Variants in CERS5 observed in about 807,000 individuals in gnomAD.
CERS5 encodes LAG1 homolog, ceramide synthase 5.
A neutral mutation model predicts 58.9 loss-of-function variants in CERS5; 37 were observed. The ratio of observed to expected loss-of-function variants is 0.63; its 90% confidence interval spans 0.48 to 0.83. The LOEUF (loss-of-function observed/expected upper bound fraction) is 0.83. Ranked by LOEUF, CERS5 falls within the 40% of genes least tolerant of loss-of-function variation. CERS5 has a pLI of 0.00. For synonymous variants in CERS5, 147 were observed against 177.8 expected (o/e 0.83, Z 1.38); for missense variants, 398 against 489.3 (o/e 0.81, Z 1.76).
Position 50,167,334 on chromosome 12 carries a change from T to C in CERS5, c.-37A>G. The stretch of plus-strand genomic sequence containing the variant: ...CCCGAAGCCACCGCCGCCACAAGCG[T>C]CAGCTGCCGCCACAGCCAACGGAAC... On this transcript the variant is annotated 5_prime_UTR_variant, in exon 1 of 10. Transcript: ENST00000317551. 1 of 1,464,096 alleles carries C rather than the reference T, an allele frequency of 6.8e-7. No individual in the cohort carries two copies. Among genetic ancestry groups the C allele is most frequent in the Non-Finnish European group, 9.0e-7 (1 of 1,117,100 alleles). 90.7% of individuals were successfully genotyped at this position (1,464,096 alleles called of 1,614,324 possible). A position where few individuals can be genotyped will look rare whatever the true frequency, so the allele number is the denominator to read the frequency against.
intron 1 of CERS5, among the ~76,000 whole-genome samples, chr12:50,164,093 G>A (rs1939608080): frequency 6.6e-6 from 1 of 151,568 alleles, no homozygotes; most frequent in Admixed American, 6.6e-5. Flanking sequence ...CTGAGTAGCT[G>A]GGATTACAGG....
At chr12:50,157,685 G>A (rs192452788) in intron 1 of CERS5, among the ~76,000 whole-genome samples, 18 of 151,952 alleles carry the variant, frequency 1.2e-4, no homozygotes, top group African/African-American at 4.3e-4. Context: ...GGCATACAAC[G>A]GAGAATATTA....
intron 1 of CERS5, among the ~76,000 whole-genome samples, chr12:50,147,719 T>C (rs1952371864): frequency 6.6e-6 from 1 of 152,222 alleles, no homozygotes; most frequent in African/African-American, 2.4e-5. Flanking sequence ...AAAATGCTAC[T>C]CTTCTCACAG....
intron 1 of CERS5, among the ~76,000 whole-genome samples, chr12:50,163,529 G>A (rs939113038): frequency 6.6e-6 from 1 of 152,068 alleles, no homozygotes; most frequent in Non-Finnish European, 1.5e-5. Context: ...GCCTTCTATT[G>A]CATTCTACAA....
intron 1 of CERS5, among the ~76,000 whole-genome samples, chr12:50,145,435 T>C (rs1220356441): frequency 2.0e-5 from 3 of 152,168 alleles, no homozygotes; most frequent in East Asian, 3.8e-4. Flanking sequence ...AGGAGTCCCA[T>C]AATGAAAATA....
chr12:50,142,030 G>T lies in CERS5; in HGVS notation c.492+23C>A, dbSNP rs764060486. 2.8e-6 allele frequency: 4 copies of T among 1,432,896 alleles called. No homozygotes were observed. The South Asian group carries it at 4.6e-5, about 16-fold the overall frequency. The allele number at this position is 1,432,896 out of a possible 1,614,324, so 88.8% of individuals were successfully genotyped here. On this transcript the variant is annotated intron_variant, in intron 4 of 9. Coordinates refer to ENST00000317551, the MANE Select transcript of CERS5 (RefSeq NM_147190.5). ...TAGGCATGATTAGAACCCAACAGAGGACTAGAGAAAGTTAAGACTCACCGA... is the reference window on the plus strand; with the variant it reads ...TAGGCATGATTAGAACCCAACAGAGTACTAGAGAAAGTTAAGACTCACCGA...
At chr12:50,152,085 C>G (rs373025537) in intron 1 of CERS5, among the ~76,000 whole-genome samples, 45 of 152,308 alleles carry the variant, frequency 3.0e-4, no homozygotes, top group South Asian at 2.7e-3. Flanking sequence ...ACTCTACACG[C>G]TCACCCTCAG....
chr12:50,147,667 G>A (rs536677681), intron 1 of CERS5, among the ~76,000 whole-genome samples: 8 of 152,258 alleles, frequency 5.3e-5, no homozygotes, highest in Admixed American at 1.3e-4. Context: ...GAATGCAGAC[G>A]CTGACATGAG....
intron 6 of CERS5, among the ~76,000 whole-genome samples, chr12:50,136,472 CAAA>C (rs35643200): frequency 2.1e-5 from 3 of 143,002 alleles, no homozygotes; most frequent in Admixed American, 7.0e-5. Flanking sequence ...GATTCCGTCT[CAAA>C]AAAAAAAAAA....
chr12:50,147,668 C>G (rs931954092), intron 1 of CERS5, among the ~76,000 whole-genome samples: 1 of 152,226 alleles, frequency 6.6e-6, no homozygotes, highest in African/African-American at 2.4e-5. Flanking sequence ...AATGCAGACG[C>G]TGACATGAGA....
intron 9 of CERS5, 60 bp downstream of exon 9, chr12:50,134,486 G>A (rs754580943): frequency 6.8e-6 from 11 of 1,613,244 alleles, no homozygotes; most frequent in South Asian, 3.3e-5. Flanking sequence ...GAGAGAGAAC[G>A]TCTGTTGAGT....
rs188975505 is a variant in CERS5 at position 50,145,069 on chromosome 12, C to T, written c.198-1012G>A. 3.3e-3 allele frequency: 474 copies of T among 144,122 alleles called. 1 individual carries two copies. The highest frequency in any genetic ancestry group is 0.013 in the African/African-American group (456 of 35,310). 8.9% of individuals were successfully genotyped at this position (144,122 alleles called of 1,614,324 possible). On this transcript the variant is annotated intron_variant, in intron 1 of 9. Transcript: ENST00000317551. Reference sequence around the variant, plus strand: ...AGGAGAATTGCTTGAACCCTGGAGGCGGAGGTTGCAGTGAGCCGAGATTGT... The same window carrying T: ...AGGAGAATTGCTTGAACCCTGGAGGTGGAGGTTGCAGTGAGCCGAGATTGT...
intron 1 of CERS5, chr12:50,147,415 A>AAG (rs1462073337): frequency 6.6e-6 from 1 of 151,548 alleles, no homozygotes; most frequent in African/African-American, 2.4e-5. Context: ...TCCAAAAAAA[A>AAG]AAAAAAAAAA....
At chr12:50,143,513 A>G in intron 2 of CERS5, 1 of 300,584 alleles carries the variant, frequency 3.3e-6, no homozygotes, top group East Asian at 7.2e-5. Context: ...TTGAAGGCTG[A>G]GGGCCGAAGG....
intron 9 of CERS5, chr12:50,133,442 G>A: frequency 1.0e-6 from 1 of 1,002,404 alleles, no homozygotes; most frequent in Non-Finnish European, 1.2e-6. Context: ...TACACTAGTG[G>A]GGTGAGGTGG....
chr12:50,153,111 C>T (rs180847918), intron 1 of CERS5, among the ~76,000 whole-genome samples: 14 of 151,782 alleles, frequency 9.2e-5, no homozygotes, highest in Admixed American at 7.2e-4. Context: ...TAAGTGAGCC[C>T]GTCATTTCAA....
chr12:50,136,102 A>G, intron 6 of CERS5, 33 bp from the exon 7 acceptor site: 1 of 1,469,400 alleles, frequency 6.8e-7, no homozygotes, highest in South Asian at 1.6e-5. Context: ...GAGGGAGGTA[A>G]AAGCTGGGCC....
At chr12:50,150,673 G>A (rs771938002) in intron 1 of CERS5, among the ~76,000 whole-genome samples, 1 of 152,102 alleles carries the variant, frequency 6.6e-6, no homozygotes, top group Non-Finnish European at 1.5e-5. Context: ...TGAATTTAGG[G>A]GACAGGAAGG....
intron 1 of CERS5, among the ~76,000 whole-genome samples, chr12:50,155,654 G>A (rs1480988057): frequency 3.6e-5 from 5 of 140,428 alleles, no homozygotes; most frequent in Admixed American, 7.7e-5. Context: ...GGAGAATGGC[G>A]TGAACCCGGG....
Sources: allele counts gnomAD v4.1 joint callset (sites outside exome capture counted in the v4.1 genomes callset), GRCh38; gene constraint gnomAD v4.1.1; transcripts MANE v1.5; gene names NCBI Gene and HGNC (gene_info 2026-07-23, HGNC 2026-07-21).